Variants in PRKN observed in about 807,000 individuals in gnomAD.
The protein encoded by PRKN is E3 ubiquitin-protein ligase parkin.
Under a neutral mutation model 59.5 loss-of-function variants are expected in PRKN, and 56 were observed. The ratio of observed to expected loss-of-function variants is 0.94; its 90% CI spans 0.76 to 1.18. PRKN has a LOEUF of 1.18. Ranked by LOEUF, PRKN falls within the 50% of genes most tolerant of loss-of-function variation. PRKN has a pLI of 0.00. For synonymous variants in PRKN, 250 were observed against 222.1 expected, an observed-to-expected ratio of 1.13 and a Z score of -1.12; for missense variants, 657 against 596.4, an observed-to-expected ratio of 1.10 and a Z score of -1.06.
At chr6:161,942,255 G>C (rs753776489) in intron 6 of PRKN, among the ~76,000 whole-genome samples, 9 of 152,164 alleles carry the variant, frequency 5.9e-5, no homozygotes, top group Non-Finnish European at 1.2e-4. Context: ...CACTCAGGCT[G>C]GGCGCGGTGG....
chr6:161,864,971 G>A (rs1278884501), intron 6 of PRKN, among the ~76,000 whole-genome samples: 1 of 152,038 alleles, frequency 6.6e-6, no homozygotes, highest in Non-Finnish European at 1.5e-5. Flanking sequence ...GGTTTTCAAT[G>A]TATTTTGCCC....
chr6:162,032,866 A>G (rs1293104253), intron 5 of PRKN, among the ~76,000 whole-genome samples: 2 of 152,170 alleles, frequency 1.3e-5, no homozygotes, highest in Non-Finnish European at 2.9e-5. Context: ...CCCACATGCA[A>G]TCCAACGAGA....
intron 1 of PRKN, among the ~76,000 whole-genome samples, chr6:162,620,171 A>G (rs1428225846): frequency 6.6e-6 from 1 of 151,880 alleles, no homozygotes; most frequent in Non-Finnish European, 1.5e-5. Flanking sequence ...TGGCATTTGT[A>G]TTTTACTTTT....
intron 2 of PRKN, among the ~76,000 whole-genome samples, chr6:162,336,841 A>G (rs1369949637): frequency 2.0e-5 from 3 of 152,200 alleles, no homozygotes; most frequent in Non-Finnish European, 4.4e-5. Context: ...GGTACTGGTG[A>G]GTCCAAGAGA....
chr6:162,133,002 G>C (rs1781431021), intron 4 of PRKN, among the ~76,000 whole-genome samples: 1 of 152,194 alleles, frequency 6.6e-6, no homozygotes, highest in South Asian at 2.1e-4. Context: ...CGGGGCAGCA[G>C]AACATGTGCT....
At chr6:161,914,334 G>A (rs1224787773) in intron 6 of PRKN, among the ~76,000 whole-genome samples, 2 of 152,090 alleles carry the variant, frequency 1.3e-5, no homozygotes, top group African/African-American at 4.8e-5. Flanking sequence ...GACCTTTTAT[G>A]AAAAAGATAT....
intron 3 of PRKN, among the ~76,000 whole-genome samples, chr6:162,233,773 A>G (rs2128087110): frequency 6.6e-6 from 1 of 152,322 alleles, no homozygotes; most frequent in South Asian, 2.1e-4. Flanking sequence ...AGATGAGGTC[A>G]TCGCAGAGGG....
At chr6:162,228,384 C>T (rs948477042) in intron 3 of PRKN, among the ~76,000 whole-genome samples, 4 of 152,130 alleles carry the variant, frequency 2.6e-5, no homozygotes, top group African/African-American at 7.2e-5. Context: ...GTCAACCACA[C>T]GTACAGACAG....
chr6:162,632,689 A>C (rs1777543338), intron 1 of PRKN, among the ~76,000 whole-genome samples: 1 of 152,078 alleles, frequency 6.6e-6, no homozygotes, highest in Non-Finnish European at 1.5e-5. Flanking sequence ...AATAAAAAGA[A>C]CTCACTTTTG....
intron 4 of PRKN, among the ~76,000 whole-genome samples, chr6:162,113,478 C>G (rs1277775071): frequency 6.6e-6 from 1 of 152,018 alleles, no homozygotes; most frequent in African/African-American, 2.4e-5. Flanking sequence ...GTTAAATTAC[C>G]CTCCACCTGT....
At chr6:162,586,890 G>A (rs191108360) in intron 1 of PRKN, among the ~76,000 whole-genome samples, 3 of 152,164 alleles carry the variant, frequency 2.0e-5, no homozygotes, top group South Asian at 2.1e-4. Context: ...AACACTGACC[G>A]AGTGCCTTAC....
At chr6:161,685,446 A>AATG in intron 7 of PRKN, among the ~76,000 whole-genome samples, 1 of 152,232 alleles carries the variant, frequency 6.6e-6, no homozygotes, top group Non-Finnish European at 1.5e-5. Context: ...TCTTATTAGT[A>AATG]ATGACCCACT....
chr6:161,555,356 T>C (rs1278748434), intron 8 of PRKN, among the ~76,000 whole-genome samples: 1 of 152,246 alleles, frequency 6.6e-6, no homozygotes, highest in African/African-American at 2.4e-5. Context: ...ATCATTTTAA[T>C]AGCCCTGTAC....
intron 1 of PRKN, among the ~76,000 whole-genome samples, chr6:162,681,494 G>C (rs983179323): frequency 6.6e-6 from 1 of 152,062 alleles, no homozygotes; most frequent in Non-Finnish European, 1.5e-5. Context: ...TACTCCCTTT[G>C]CAAACCCCCA....
At chr6:162,712,886 A>G (rs190507873) in intron 1 of PRKN, among the ~76,000 whole-genome samples, 1 of 152,174 alleles carries the variant, frequency 6.6e-6, no homozygotes, top group African/African-American at 2.4e-5. Flanking sequence ...AACTTATGAA[A>G]CCTCCACATA....
At chr6:162,326,429 T>A (rs771851927) in intron 2 of PRKN, among the ~76,000 whole-genome samples, 1 of 152,040 alleles carries the variant, frequency 6.6e-6, no homozygotes, top group Non-Finnish European at 1.5e-5. Context: ...AATTTAAGAG[T>A]TTTAAACCTC....
intron 7 of PRKN, among the ~76,000 whole-genome samples, chr6:161,616,941 G>A (rs890494484): frequency 1.3e-5 from 2 of 152,068 alleles, no homozygotes; most frequent in Admixed American, 6.5e-5. Flanking sequence ...GAGATTGCTG[G>A]GTCAAATGGT....
At chr6:162,279,401 CAGAAAAAGAAAGAAAGAAGGAAAGAA>C (rs1562636175) in intron 2 of PRKN, among the ~76,000 whole-genome samples, 3 of 133,134 alleles carry the variant, frequency 2.3e-5, no homozygotes, top group Admixed American at 7.6e-5. Context: ...GAAAGAAAGA[CAGAAAAAGAAAGAAAGAAGGAAAGAA>C]AGAAAAAGAA....
intron 7 of PRKN, among the ~76,000 whole-genome samples, chr6:161,616,679 G>T (rs925261507): frequency 1.3e-5 from 2 of 151,934 alleles, no homozygotes; most frequent in African/African-American, 4.8e-5. Context: ...TTCTGTTCCT[G>T]TGTCAGTTTG....
Sources: allele counts gnomAD v4.1 joint callset (sites outside exome capture counted in the v4.1 genomes callset), GRCh38; gene constraint gnomAD v4.1.1; transcripts MANE v1.5; gene names NCBI Gene and HGNC (gene_info 2026-07-23, HGNC 2026-07-21).